Variants in SLIT2 observed in about 807,000 individuals in gnomAD.
SLIT2 encodes slit homolog 2 protein.
In SLIT2, 41 loss-of-function variants were observed where a neutral mutation model predicts 185.7. That is an observed-to-expected ratio of 0.22 (90% CI 0.17 to 0.29). SLIT2 has a LOEUF of 0.29. Among genes scored for constraint, SLIT2 ranks in the 10% least tolerant of loss-of-function variants. The probability of loss-of-function intolerance (pLI) is 1.00; values close to 1 mark genes in which losing one functional copy is unlikely to be tolerated. For synonymous variants in SLIT2, 693 were observed against 680.2 expected, an observed-to-expected ratio of 1.02 and a Z score of -0.29; for missense variants, 1,571 against 1,909.0, an observed-to-expected ratio of 0.82 and a Z score of 3.30.
chr4:20,392,983 C>G (rs766699808), intron 4 of SLIT2, among the ~76,000 whole-genome samples: 4 of 152,014 alleles, frequency 2.6e-5, no homozygotes, highest in Non-Finnish European at 5.9e-5. Flanking sequence ...ATACACCGTA[C>G]TGTAAGTACA....
intron 4 of SLIT2, among the ~76,000 whole-genome samples, chr4:20,358,174 G>A (rs764435749): frequency 4.6e-5 from 7 of 152,012 alleles, no homozygotes; most frequent in African/African-American, 7.2e-5. Flanking sequence ...ATAAGCCTAC[G>A]TGTCCCTTAG....
At chr4:20,600,948 A>T (rs1291359996) in intron 33 of SLIT2, among the ~76,000 whole-genome samples, 1 of 151,506 alleles carries the variant, frequency 6.6e-6, no homozygotes, top group Admixed American at 6.6e-5. Flanking sequence ...TATTGAGAAA[A>T]TAATATAAGA....
chr4:20,255,070 C>T (rs1040684971), intron 1 of SLIT2: 2 of 456,104 alleles, frequency 4.4e-6, no homozygotes, highest in Non-Finnish European at 8.8e-6. Context: ...AGTCCGGCCG[C>T]CCTAGGCACG....
At chr4:20,440,522 A>G (rs1273382286) in intron 4 of SLIT2, among the ~76,000 whole-genome samples, 1 of 152,136 alleles carries the variant, frequency 6.6e-6, no homozygotes, top group African/African-American at 2.4e-5. Flanking sequence ...GCTGATATAT[A>G]CGGCCCTAAA....
intron 11 of SLIT2, 44 bp downstream of exon 11, chr4:20,511,181 A>G (rs1271573612): frequency 1.7e-6 from 2 of 1,150,704 alleles, no homozygotes; most frequent in African/African-American, 1.5e-5. Context: ...AAGCCACAAC[A>G]AAGAGTGGCT....
chr4:20,491,835 G>A lies in SLIT2; in HGVS notation c.850G>A (p.Val284Ile), dbSNP rs980845261. The stretch of plus-strand genomic sequence containing the variant: ...CGCCTGTACCTGTAGCAACAATATC[G>A]TAGACTGTCGTGGGAAAGGTCTCAC... ...PAACTCSNNI[V>I]DCRGKGLTEI... The change falls in exon 9 of 37, where the codon GTA (valine) becomes ATA (isoleucine). Residue 284 changes from valine (V) to isoleucine (I), a missense_variant. Val to Ile is a conservative substitution (Grantham distance 29). Around this residue, in one of 3 missense-constraint regions of SLIT2, gnomAD observed 1,202 missense variants for 1,416.4 expected, o/e 0.85. Transcript: ENST00000504154. 18 of 1,613,712 alleles carry A rather than the reference G, an allele frequency of 1.1e-5. No homozygotes were observed. Among genetic ancestry groups the A allele is most frequent in the African/African-American group, 2.7e-5 (2 of 74,948 alleles).
At chr4:20,434,366 A>T (rs1729206267) in intron 4 of SLIT2, among the ~76,000 whole-genome samples, 1 of 152,102 alleles carries the variant, frequency 6.6e-6, no homozygotes, top group Admixed American at 6.5e-5. Context: ...CATGCCTGTA[A>T]TCCCAGCTAC....
intron 30 of SLIT2, among the ~76,000 whole-genome samples, chr4:20,591,906 C>T (rs1375391404): frequency 3.3e-5 from 5 of 151,992 alleles, no homozygotes; most frequent in African/African-American, 1.2e-4. Flanking sequence ...TATCTCCTCT[C>T]GCCATCAAAT....
At chr4:20,576,437 A>T (rs1190231396) in intron 29 of SLIT2, among the ~76,000 whole-genome samples, 1 of 152,202 alleles carries the variant, frequency 6.6e-6, no homozygotes, top group African/African-American at 2.4e-5. Context: ...GAAATACACA[A>T]TGCTGAAGAG....
intron 29 of SLIT2, among the ~76,000 whole-genome samples, chr4:20,581,191 C>T (rs919098858): frequency 6.6e-6 from 1 of 152,096 alleles, no homozygotes; most frequent in Non-Finnish European, 1.5e-5. Flanking sequence ...ATGTCTCTTC[C>T]AGGCCTGTCT....
At chr4:20,308,925 G>T (rs1320796416) in intron 4 of SLIT2, among the ~76,000 whole-genome samples, 1 of 151,974 alleles carries the variant, frequency 6.6e-6, no homozygotes, top group African/African-American at 2.4e-5. Flanking sequence ...ATACTTACTT[G>T]TATGAAAAAG....
chr4:20,380,364 A>G (rs984325733), intron 4 of SLIT2, among the ~76,000 whole-genome samples: 1 of 152,168 alleles, frequency 6.6e-6, no homozygotes, highest in East Asian at 1.9e-4. Flanking sequence ...CCAACATTGT[A>G]CAAATTGCAG....
At chr4:20,319,321 A>G (rs1464548402) in intron 4 of SLIT2, among the ~76,000 whole-genome samples, 1 of 152,192 alleles carries the variant, frequency 6.6e-6, no homozygotes, top group African/African-American at 2.4e-5. Context: ...TTGTACTTGC[A>G]AATGTTATTT....
intron 4 of SLIT2, among the ~76,000 whole-genome samples, chr4:20,391,307 A>G (rs1234083402): frequency 1.3e-5 from 2 of 152,096 alleles, no homozygotes; most frequent in East Asian, 3.9e-4. Flanking sequence ...GATGCATGAA[A>G]TAACTGTTTT....
intron 4 of SLIT2, among the ~76,000 whole-genome samples, chr4:20,446,931 A>G (rs143787112): frequency 6.6e-6 from 1 of 152,338 alleles, no homozygotes; most frequent in Non-Finnish European, 1.5e-5. Flanking sequence ...ATTTTTGTTT[A>G]GGATCTGATT....
intron 6 of SLIT2, among the ~76,000 whole-genome samples, chr4:20,482,921 G>A (rs183439451): frequency 1.1e-3 from 170 of 151,732 alleles, no homozygotes; most frequent in African/African-American, 3.7e-3. Context: ...CTGAAAAGAC[G>A]ATAATTTATG....
At chr4:20,502,759 C>T (rs1273460810) in intron 9 of SLIT2, among the ~76,000 whole-genome samples, 5 of 151,962 alleles carry the variant, frequency 3.3e-5, no homozygotes, top group Admixed American at 6.6e-5. Flanking sequence ...GAGACTGTCC[C>T]GATGGCGATA....
intron 9 of SLIT2, among the ~76,000 whole-genome samples, chr4:20,506,933 C>T (rs1357528512): frequency 1.3e-5 from 2 of 151,940 alleles, no homozygotes; most frequent in Non-Finnish European, 2.9e-5. Context: ...ACAACATAAA[C>T]TCTGTTTCAA....
intron 4 of SLIT2, among the ~76,000 whole-genome samples, chr4:20,307,199 C>G (rs13147242): frequency 0.25 from 27,093 of 110,460 alleles, 4,595 homozygotes; most frequent in Middle Eastern, 0.34. Context: ...TCCTTCTTTC[C>G]CTGACTCCCT....
Sources: allele counts gnomAD v4.1 joint callset (sites outside exome capture counted in the v4.1 genomes callset), GRCh38; gene constraint gnomAD v4.1.1; regional missense constraint gnomAD v4.1.1; transcripts MANE v1.5; gene names NCBI Gene and HGNC (gene_info 2026-07-23, HGNC 2026-07-21).